Variants in PRR14L observed in about 807,000 individuals in gnomAD.
PRR14L encodes protein PRR14L.
A neutral mutation model predicts 155.0 loss-of-function variants in PRR14L; 80 were observed. The observed-to-expected ratio is 0.52, with a 90% CI of 0.43 to 0.62. PRR14L has a LOEUF of 0.62. Ranked by LOEUF, PRR14L falls within the 20% of genes least tolerant of loss-of-function variation. The pLI is 0.00. For synonymous variants in PRR14L, 883 were observed against 916.0 expected (o/e 0.96, Z 0.65); for missense variants, 2,469 against 2,548.0 (o/e 0.97, Z 0.67).
intron 1 of PRR14L, among the ~76,000 whole-genome samples, chr22:31,745,059 G>A (rs2074830622): frequency 6.6e-6 from 1 of 152,186 alleles, no homozygotes; most frequent in Admixed American, 6.5e-5. Context: ...GAGGTGAGGT[G>A]ATATTAAATG....
At position 31,739,521 on chromosome 22, in the gene PRR14L, G is replaced by A. The variant is rs552064571; in HGVS notation, c.-51-610C>T. Among the ~76,000 whole-genome samples, 7 of 152,260 alleles carry A rather than the reference G, an allele frequency of 4.6e-5. No individual in the cohort carries two copies. In the South Asian group the frequency reaches 8.3e-4, roughly 18 times the overall value. On this transcript the variant is annotated intron_variant, in intron 1 of 8. Coordinates refer to ENST00000327423, the MANE Select transcript of PRR14L (RefSeq NM_173566.3). ...CCAGCTCGTTAGCAGAATCCTTCCT[G>A]ATTTTTATCCTGCATCTTTAGATTT...
chr22:31,729,336 G>T (rs971200720), intron 2 of PRR14L, among the ~76,000 whole-genome samples: 1 of 151,966 alleles, frequency 6.6e-6, no homozygotes. Flanking sequence ...CTCAGCCTCC[G>T]GAGTAGCTGG....
chr22:31,724,960 C>T (rs540482247), intron 3 of PRR14L, among the ~76,000 whole-genome samples: 1 of 152,292 alleles, frequency 6.6e-6, no homozygotes, highest in South Asian at 2.1e-4. Context: ...TCATCCCTGA[C>T]CCCACAGAAC....
rs1252187598 is a variant in PRR14L, at chr22:31,738,540, G to T, written c.321C>A (p.Ile107=). 6.4e-7 allele frequency: 1 copy of T among 1,551,982 alleles called. No individual in the cohort carries two copies. Among genetic ancestry groups the T allele is most frequent in the African/African-American group, 1.4e-5 (1 of 73,154 alleles). ...STAGGSVASG[I]LDRAKRSESM... ...TCTCGCTTCTCTTTGCCCTATCCAA[G>T]ATCCCAGATGCCACAGAACCTCCTG... The change falls in exon 2 of 9, where the codon ATC becomes ATA. Residue 107 remains isoleucine, a synonymous_variant. Transcript: ENST00000327423.
At chr22:31,711,652 C>CTACA (rs1296356778) in intron 4 of PRR14L, among the ~76,000 whole-genome samples, 2 of 151,378 alleles carry the variant, frequency 1.3e-5, no homozygotes, top group Non-Finnish European at 2.9e-5. Flanking sequence ...GGTGTGGTGG[C>CTACA]GCATGCCTGT....
intron 7 of PRR14L, among the ~76,000 whole-genome samples, chr22:31,693,566 A>G (rs1480256510): frequency 6.6e-6 from 1 of 152,124 alleles, no homozygotes; most frequent in African/African-American, 2.4e-5. Context: ...AATGTTTTCA[A>G]CTCATTTGGG....
chr22:31,693,428 G>A (rs992821199), intron 7 of PRR14L, among the ~76,000 whole-genome samples: 5 of 152,134 alleles, frequency 3.3e-5, no homozygotes, highest in African/African-American at 1.2e-4. Context: ...TTCCTTTTTA[G>A]TACTGAGTAA....
At chr22:31,717,345 T>G in intron 3 of PRR14L, 54 bp from the exon 4 acceptor site, 1 of 1,364,208 alleles carries the variant, frequency 7.3e-7, no homozygotes, top group Non-Finnish European at 9.9e-7. Flanking sequence ...AATCACTTGG[T>G]CTACCTTCAT....
rs1385483041 is a variant in PRR14L, at chr22:31,713,053, T to C, written c.4786A>G (p.Thr1596Ala). The change falls in exon 4 of 9, where the codon ACA becomes GCA. Residue 1596 changes from threonine to alanine, a missense_variant. This residue lies in a region of PRR14L where 2,363 missense variants were observed against 2,371.6 expected (regional missense o/e 1.00). Coordinates refer to ENST00000327423, the MANE Select transcript of PRR14L (RefSeq NM_173566.3). ...LVSHIPKQMS[T>A]PCHPLRSLNF... The stretch of plus-strand genomic sequence containing the variant: ...AGGCTCCTCAAGGGATGGCACGGTG[T>C]AGACATCTGCTTTGGTATGTGACTA... 3 of 1,552,224 alleles carry C rather than the reference T, an allele frequency of 1.9e-6. No homozygotes were observed. Among genetic ancestry groups the C allele is most frequent in the African/African-American group, 2.7e-5 (2 of 73,056 alleles).
chr22:31,686,307 ACT>A (rs1296110134), intron 8 of PRR14L, among the ~76,000 whole-genome samples: 2 of 141,038 alleles, frequency 1.4e-5, no homozygotes, highest in African/African-American at 5.3e-5. Flanking sequence ...ACAGGGTTTC[ACT>A]CTGTTAGCCA....
At position 31,714,203 on chromosome 22, in the gene PRR14L, A is replaced by G. The variant is rs1477210856; in HGVS notation, c.3636T>C (p.Ser1212=). The change falls in exon 4 of 9, where the codon AGT becomes AGC. Residue 1212 remains serine (S), a synonymous_variant. Transcript: ENST00000327423. ...LEPNSEFGKE[S]TFGISSKESM... Reference sequence around the variant, plus strand: ...ACTCTTTTGAGGAAATTCCAAAGGTACTTTCTTTGCCAAACTCAGAGTTTG... The same window carrying G: ...ACTCTTTTGAGGAAATTCCAAAGGTGCTTTCTTTGCCAAACTCAGAGTTTG... 6.4e-6 allele frequency: 10 copies of G among 1,551,542 alleles called. No individual in the cohort carries two copies. Among genetic ancestry groups the G allele is most frequent in the Non-Finnish European group, 8.7e-6 (10 of 1,146,928 alleles).
rs541744078 is a variant in PRR14L, at chr22:31,690,826, G to A, written c.6108-2599C>T. On this transcript the variant is annotated intron_variant, in intron 7 of 8. Transcript: ENST00000327423. ...CCAGATAATTTTTGTATTTTTAGTA[G>A]AGACAGGGTTTCATTATATTGGTCA... Among the ~76,000 whole-genome samples the A allele has an allele frequency of 6.6e-5, 10 of 151,854 alleles. No individual in the cohort carries two copies. In the South Asian group the frequency reaches 2.1e-3, roughly 32 times the overall value.
intron 4 of PRR14L, 122 bp downstream of exon 4, chr22:31,711,961 A>G: frequency 1.1e-6 from 1 of 911,824 alleles, no homozygotes. Flanking sequence ...CGCAAGGTAA[A>G]TAGAAAATGC....
chr22:31,716,310 C>A lies in PRR14L; in HGVS notation c.1529G>T (p.Ser510Ile), dbSNP rs2074659141. Reference protein sequence around the residue: ...MSHPGGHSEESSFSSLMQIEE... With the variant: ...MSHPGGHSEEISFSSLMQIEE... ...AATCTGCATCAAGGAGGAAAAACTG[C>A]TTTCTTCAGAGTGTCCACCAGGATG... Residue 510 changes from serine (S) to isoleucine (I), a missense_variant, in exon 4 of 9, where the codon AGC becomes ATC. Physicochemically the swap from Ser to Ile is moderately radical, Grantham distance 142 (BLOSUM62 -2). Around this residue, in one of 2 missense-constraint regions of PRR14L, gnomAD observed 2,363 missense variants for 2,371.6 expected, o/e 1.00. Transcript: ENST00000327423. 1.3e-6 allele frequency: 2 copies of A among 1,551,682 alleles called. No individual in the cohort carries two copies. The highest frequency in any genetic ancestry group is 1.7e-6 in the Non-Finnish European group (2 of 1,146,988).
In PRR14L at chr22:31,716,066, C is replaced by T; in HGVS notation, c.1773G>A (p.Lys591=). ...ISPVSEVLKP[K]QGTALLLPSP... is the part of the protein sequence containing the mutation. ...ATGGTAGCAACAGAGCAGTACCTTG[C>T]TTGGGTTTTAATACCTCACTTACAG... Residue 591 remains lysine (K), a synonymous_variant, in exon 4 of 9, where the codon AAG becomes AAA. Transcript: ENST00000327423. 1.3e-6 allele frequency: 2 copies of T among 1,550,800 alleles called. No individual in the cohort carries two copies. The highest frequency in any genetic ancestry group is 1.7e-6 in the Non-Finnish European group (2 of 1,146,958).
At position 31,712,120 on chromosome 22, in the gene PRR14L, G is replaced by A; in HGVS notation, c.5719C>T (p.His1907Tyr). 1 of 1,613,716 alleles carries A rather than the reference G, an allele frequency of 6.2e-7. No individual in the cohort carries two copies. The highest frequency in any genetic ancestry group is 1.3e-5 in the African/African-American group (1 of 74,988). Residue 1907 changes from histidine to tyrosine, a missense_variant, in exon 4 of 9, where the codon CAC becomes TAC. Transcript: ENST00000327423. ...CCCAGACTTGGTTGCCGCTTGCAGT[G>A]AGGGGAATGAAGAGAAGAGATTTCG... ...SFEISSLHSP[H>Y]CKRQPSLGTT...
In PRR14L at chr22:31,747,624, C is replaced by T. The variant is rs184652472; in HGVS notation, c.-52+2369G>A. On this transcript the variant is annotated intron_variant, in intron 1 of 8. Coordinates refer to ENST00000327423, the MANE Select transcript of PRR14L (RefSeq NM_173566.3). ...CTCCAAAGAATAACTTTTCTATTTC[C>T]CTTTGTTTCAGAAAAGCACACCTAC... 1.8e-3 allele frequency among the ~76,000 whole-genome samples: 267 copies of T among 151,802 alleles called. 1 individual carries two copies. Among genetic ancestry groups the T allele is most frequent in the African/African-American group, 5.9e-3 (245 of 41,398 alleles).
At position 31,715,939 on chromosome 22, in the gene PRR14L, C is replaced by A; in HGVS notation, c.1900G>T (p.Glu634Ter). Residue 634 changes from glutamate to a stop codon, truncating the protein, a stop_gained, in exon 4 of 9, where the codon GAA becomes TAA. Coordinates refer to ENST00000327423, the MANE Select transcript of PRR14L (RefSeq NM_173566.3). LOFTEE classifies it high-confidence loss of function. Reference sequence around the variant, plus strand: ...ACCAGTTCATTGGTACAAGAAAGTTCATTCATCTCACAGGCTATGCTCTGT... The same window carrying A: ...ACCAGTTCATTGGTACAAGAAAGTTAATTCATCTCACAGGCTATGCTCTGT... ...DEQSIACEMN[E>*]LSCTNELVVN... 6.4e-7 allele frequency: 1 copy of A among 1,551,726 alleles called. No individual in the cohort carries two copies. Among genetic ancestry groups the A allele is most frequent in the South Asian group, 1.2e-5 (1 of 84,038 alleles).
rs986961724 is a variant in PRR14L, at chr22:31,681,734, G to A, written c.*3793C>T. The A allele has an allele frequency of 6.6e-6, 1 of 152,122 alleles. No homozygotes were observed. The highest frequency in any genetic ancestry group is 2.4e-5 in the African/African-American group (1 of 41,408). 9.4% of individuals were successfully genotyped at this position (152,122 alleles called of 1,614,324 possible). On this transcript the variant is annotated 3_prime_UTR_variant, in exon 9 of 9. Transcript: ENST00000327423. ...TTGCTGCTTGATTTGTGGCTAGACG[G>A]TAACATTAAACTGTAATTTTAGTAA...
Sources: allele counts gnomAD v4.1 joint callset (sites outside exome capture counted in the v4.1 genomes callset), GRCh38; gene constraint gnomAD v4.1.1; regional missense constraint gnomAD v4.1.1; transcripts MANE v1.5; gene names NCBI Gene and HGNC (gene_info 2026-07-23, HGNC 2026-07-21).